The following KALRN variants were observed in gnomAD, a reference collection of about 807,000 sequenced individuals.
KALRN encodes kalirin RhoGEF kinase.
Under a neutral mutation model 353.7 loss-of-function variants are expected in KALRN, and 70 were observed. The ratio of observed to expected loss-of-function variants is 0.20; its 90% CI spans 0.16 to 0.24. The LOEUF is 0.24. KALRN is among the 10% of genes least tolerant of loss of function. The pLI, the probability that KALRN is intolerant of heterozygous loss-of-function variation, is 1.00. For synonymous variants in KALRN, 1,391 were observed against 1,434.8 expected (o/e 0.97, Z 0.69); for missense variants, 2,791 against 3,756.7 (o/e 0.74, Z 6.72).
intron 1 of KALRN, among the ~76,000 whole-genome samples, chr3:124,200,404 C>T (rs529879555): frequency 7.9e-5 from 12 of 152,204 alleles, no homozygotes; most frequent in African/African-American, 2.6e-4. Context: ...CAGTGTCTGG[C>T]GAGGGCATGT....
intron 21 of KALRN, 57 bp from the exon 22 acceptor site, chr3:124,455,120 G>C: frequency 6.3e-7 from 1 of 1,585,168 alleles, no homozygotes; most frequent in Non-Finnish European, 8.6e-7. Context: ...AGGATTTGGG[G>C]TGAAGGGGCA....
At chr3:124,484,922 G>A (rs2062385899) in intron 28 of KALRN, among the ~76,000 whole-genome samples, 1 of 152,100 alleles carries the variant, frequency 6.6e-6, no homozygotes, top group Non-Finnish European at 1.5e-5. Flanking sequence ...TGGCCAACAT[G>A]GCGAAACCCC....
At chr3:124,521,853 G>A (rs1209394143) in intron 33 of KALRN, among the ~76,000 whole-genome samples, 1 of 152,098 alleles carries the variant, frequency 6.6e-6, no homozygotes, top group Non-Finnish European at 1.5e-5. Context: ...AGATTCAGCA[G>A]TTGCTTATTC....
At chr3:124,707,170 C>G (rs977802710) in intron 57 of KALRN, among the ~76,000 whole-genome samples, 3 of 151,916 alleles carry the variant, frequency 2.0e-5, no homozygotes, top group African/African-American at 4.8e-5. Context: ...GAGACTTCAT[C>G]TCTACAAAAA....
At chr3:124,606,139 T>C (rs1054187747) in intron 34 of KALRN, among the ~76,000 whole-genome samples, 4 of 152,240 alleles carry the variant, frequency 2.6e-5, no homozygotes, top group African/African-American at 9.6e-5. Context: ...TTAAGCATAC[T>C]GAAACTTAAG....
At position 124,679,505 on chromosome 3, in the gene KALRN, T is replaced by C. The variant is rs2087552628; in HGVS notation, c.7365T>C (p.Asn2455=). ...EESECDDLDP[N]TSMEILNPNF... is the part of the protein sequence containing the mutation. ...CAGAGTGTGATGATCTTGACCCTAA[T>C]ACTAGCATGGAGGTAGAAGCAGCTA... Residue 2455 remains asparagine (N), a synonymous_variant, in exon 51 of 60, where the codon AAT becomes AAC. Coordinates refer to ENST00000682506, the MANE Select transcript of KALRN (RefSeq NM_001388419.1). 7 of 1,613,942 alleles carry C rather than the reference T, an allele frequency of 4.3e-6. No individual in the cohort carries two copies. In the East Asian group the frequency reaches 1.6e-4, roughly 36 times the overall value.
intron 34 of KALRN, among the ~76,000 whole-genome samples, chr3:124,621,390 T>TTGAGATGGTAAAGGATGC (rs2079254355): frequency 6.6e-6 from 1 of 152,136 alleles, no homozygotes; most frequent in African/African-American, 2.4e-5. Flanking sequence ...GTAAAGGATG[T>TTGAGATGGTAAAGGATGC]TGAGTTGGTA....
At chr3:124,146,893 AAGAAAAG>A (rs1238890187) in intron 1 of KALRN, among the ~76,000 whole-genome samples, 1 of 149,378 alleles carries the variant, frequency 6.7e-6, no homozygotes, top group Non-Finnish European at 1.5e-5. Context: ...AAAAAAAAAA[AAGAAAAG>A]AAAAAAAAAG....
chr3:124,396,080 T>C (rs1428474832), intron 12 of KALRN, among the ~76,000 whole-genome samples: 1 of 152,164 alleles, frequency 6.6e-6, no homozygotes, highest in Non-Finnish European at 1.5e-5. Context: ...ACCAACCCCA[T>C]GCCTAGGTGC....
rs551105059 is a variant in KALRN, at chr3:124,719,672, G to C, written c.*202G>C. The stretch of plus-strand genomic sequence containing the variant: ...CCTAAATCAAGGGGCTTTTCAGAAG[G>C]TCATTCTGAAGAAATAAAGAGGCAA... On this transcript the variant is annotated 3_prime_UTR_variant, in exon 60 of 60. Transcript: ENST00000682506. The surrounding 1 kb of genome is among the most constrained non-coding windows in gnomAD (Gnocchi z 5.3). 3 of 559,260 alleles carry C rather than the reference G, an allele frequency of 5.4e-6. No individual in the cohort carries two copies. The highest frequency in any genetic ancestry group is 2.4e-5 in the South Asian group (1 of 41,422). 34.6% of individuals were successfully genotyped at this position (559,260 alleles called of 1,614,324 possible).
At chr3:124,653,034 C>T (rs1301906073) in intron 38 of KALRN, among the ~76,000 whole-genome samples, 1 of 152,224 alleles carries the variant, frequency 6.6e-6, no homozygotes, top group Non-Finnish European at 1.5e-5. Context: ...CACACCTCTT[C>T]ACATCCTGAG....
chr3:124,654,895 G>T (rs938880297), intron 38 of KALRN, among the ~76,000 whole-genome samples: 1 of 152,210 alleles, frequency 6.6e-6, no homozygotes, highest in African/African-American at 2.4e-5. Context: ...ATAGTAAATG[G>T]TAGAAAGAAT....
At chr3:124,676,257 C>A (rs778914863) in intron 49 of KALRN, among the ~76,000 whole-genome samples, 3 of 152,218 alleles carry the variant, frequency 2.0e-5, no homozygotes, top group Non-Finnish European at 4.4e-5. Context: ...ACAAATGGGT[C>A]ATTTTGATTT....
chr3:124,542,303 T>C (rs1376212998), intron 33 of KALRN, among the ~76,000 whole-genome samples: 2 of 152,224 alleles, frequency 1.3e-5, no homozygotes, highest in African/African-American at 4.8e-5. Context: ...TGGAACTTAG[T>C]AGCCGTGTGA....
intron 34 of KALRN, among the ~76,000 whole-genome samples, chr3:124,630,238 G>A (rs1288793308): frequency 6.6e-6 from 1 of 152,136 alleles, no homozygotes; most frequent in Non-Finnish European, 1.5e-5. Flanking sequence ...GCCCACATCT[G>A]CCACATGCCT....
At chr3:124,653,579 G>A (rs1344769174) in intron 38 of KALRN, among the ~76,000 whole-genome samples, 3 of 152,296 alleles carry the variant, frequency 2.0e-5, no homozygotes, top group South Asian at 2.1e-4. Context: ...ATTTTAAATG[G>A]CCCTGGCATT....
intron 34 of KALRN, among the ~76,000 whole-genome samples, chr3:124,609,981 T>C (rs1026975249): frequency 6.6e-6 from 1 of 152,218 alleles, no homozygotes; most frequent in Non-Finnish European, 1.5e-5. Flanking sequence ...TGGCTTCCTT[T>C]TTATTCATTT....
chr3:124,579,519 C>G (rs1260051821), intron 34 of KALRN, among the ~76,000 whole-genome samples: 1 of 151,970 alleles, frequency 6.6e-6, no homozygotes, highest in Non-Finnish European at 1.5e-5. Context: ...ATGTGAAAAC[C>G]CTGAAATAAT....
chr3:124,222,023 G>A (rs768927750), intron 1 of KALRN, among the ~76,000 whole-genome samples: 10 of 152,176 alleles, frequency 6.6e-5, no homozygotes, highest in Admixed American at 6.5e-5. Context: ...GTGAGTGGGG[G>A]TGCAGGTGGG....
Sources: allele counts gnomAD v4.1 joint callset (sites outside exome capture counted in the v4.1 genomes callset), GRCh38; gene constraint gnomAD v4.1.1; non-coding constraint Gnocchi (gnomAD v3.1); transcripts MANE v1.5; gene names NCBI Gene and HGNC (gene_info 2026-07-23, HGNC 2026-07-21).